GHSR: variants seen among roughly 807,000 people sequenced by gnomAD.
GHSR encodes growth hormone secretagogue receptor type 1.
Under a neutral mutation model 24.0 loss-of-function variants are expected in GHSR, and 17 were observed. The observed-to-expected ratio is 0.71, with a 90% confidence interval of 0.49 to 1.06. The LOEUF (loss-of-function observed/expected upper bound fraction) is 1.06. Among genes scored for constraint, GHSR ranks in the 50% least tolerant of loss-of-function variants. The pLI, the probability that GHSR is intolerant of heterozygous loss-of-function variation, is 0.00. For synonymous variants in GHSR, 238 were observed against 208.1 expected (o/e 1.14, Z -1.24); for missense variants, 504 against 483.1 (o/e 1.04, Z -0.41).
chr3:172,447,747 G>A lies in GHSR; in HGVS notation c.667C>T (p.Leu223Phe), dbSNP rs1316652466. The A allele has an allele frequency of 1.9e-6, 3 of 1,614,148 alleles. No individual in the cohort carries two copies. In the Admixed American group the frequency reaches 5.0e-5, roughly 27 times the overall value. The change falls in exon 1 of 2, where the codon CTT (leucine) becomes TTT (phenylalanine). Residue 223 changes from leucine to phenylalanine, a missense_variant. Leu to Phe is a conservative substitution (Grantham distance 22). Transcript: ENST00000241256. ...MVWVSSIFFF[L>F]PVFCLTVLYS... The stretch of plus-strand genomic sequence containing the variant: ...AGGACCGTGAGACAGAAGACAGGAA[G>A]GAAGAAGAAGATGCTGGACACCCAC...
chr3:172,444,046 T>G lies in GHSR; in HGVS notation c.*1115A>C, dbSNP rs1433845079. On this transcript the variant is annotated 3_prime_UTR_variant, in exon 2 of 2. Transcript: ENST00000241256. ...TATTCACAAATCGAAGCCTTATAAT[T>G]GACTTCAAAATTTTTGTTAAGCCAT... 1.3e-5 allele frequency among the ~76,000 whole-genome samples: 2 copies of G among 152,180 alleles called. No individual in the cohort carries two copies. Among genetic ancestry groups the G allele is most frequent in the Non-Finnish European group, 2.9e-5 (2 of 68,014 alleles).
Position 172,447,723 on chromosome 3 carries a change from G to A in GHSR, c.691C>T (p.Leu231Phe). 3 of 1,614,120 alleles carry A rather than the reference G, an allele frequency of 1.9e-6. No individual in the cohort carries two copies. Among genetic ancestry groups the A allele is most frequent in the Non-Finnish European group, 2.5e-6 (3 of 1,180,030 alleles). Residue 231 changes from leucine (L) to phenylalanine (F), a missense_variant, in exon 1 of 2, where the codon CTC becomes TTC. Coordinates refer to ENST00000241256, the MANE Select transcript of GHSR (RefSeq NM_198407.2). ...AGCTTCCTGCCGATGAGACTGTAGAGGACCGTGAGACAGAAGACAGGAAGG... is the reference window on the plus strand; with the variant it reads ...AGCTTCCTGCCGATGAGACTGTAGAAGACCGTGAGACAGAAGACAGGAAGG... ...FFLPVFCLTV[L>F]YSLIGRKLWR...
Position 172,444,604 on chromosome 3 carries a change from T to TCC in GHSR, c.*556_*557insGG, listed in dbSNP as rs200934590. Among the ~76,000 whole-genome samples the TCC allele has an allele frequency of 0.25, 37,907 of 152,024 alleles. 5,683 individuals are homozygous for TCC. The highest frequency in any genetic ancestry group is 0.44 in the East Asian group (2,265 of 5,160). ...TCCAAATTGAGGGTTTCTGTAAGTG[T>TCC]AAAAAGCATGCCAGATTTCAAAGAC... On this transcript the variant is annotated 3_prime_UTR_variant, in exon 2 of 2. Transcript: ENST00000241256.
At chr3:172,446,493 TG>T (rs1318054335) in intron 1 of GHSR, among the ~76,000 whole-genome samples, 2 of 152,180 alleles carry the variant, frequency 1.3e-5, no homozygotes, top group African/African-American at 2.4e-5. Flanking sequence ...CACTTTAATA[TG>T]GAGGATCCAG....
Position 172,444,749 on chromosome 3 carries a change from T to A in GHSR, c.*412A>T, listed in dbSNP as rs1293256331. Among the ~76,000 whole-genome samples the A allele has an allele frequency of 2.0e-5, 3 of 152,196 alleles. No homozygotes were observed. Among genetic ancestry groups the A allele is most frequent in the Non-Finnish European group, 4.4e-5 (3 of 68,018 alleles). ...TCTAGAGCTTTATGAAAATAGCTAGTTTTTAAAAGTTACATTTTAAATTTT... is the reference window on the plus strand; with the variant it reads ...TCTAGAGCTTTATGAAAATAGCTAGATTTTAAAAGTTACATTTTAAATTTT... On this transcript the variant is annotated 3_prime_UTR_variant, in exon 2 of 2. Transcript: ENST00000241256.
rs769452962 is a variant in GHSR, at chr3:172,445,438, C to G, written c.824G>C (p.Cys275Ser). The G allele has an allele frequency of 3.0e-5, 49 of 1,613,072 alleles. 1 individual carries two copies. The highest frequency in any genetic ancestry group is 3.4e-6 in the Non-Finnish European group (4 of 1,179,920). The change falls in exon 2 of 2, where the codon TGC becomes TCC. Residue 275 changes from cysteine (C) to serine (S), a missense_variant. Transcript: ENST00000241256. ...TCGCCCTACGTGGAAGGGGAGCCAGCAGAGGATGAAGGCAAACACCACTAC... is the reference window on the plus strand; with the variant it reads ...TCGCCCTACGTGGAAGGGGAGCCAGGAGAGGATGAAGGCAAACACCACTAC... ...LAVVVFAFIL[C>S]WLPFHVGRYL...
intron 1 of GHSR, 59 bp from the exon 2 acceptor site, chr3:172,445,524 C>G: frequency 2.0e-6 from 3 of 1,518,340 alleles, no homozygotes; most frequent in Non-Finnish European, 2.7e-6. Flanking sequence ...AAATCACATT[C>G]TATTTTTAAG....
rs201682882 is a variant in GHSR, at chr3:172,448,456, G to C, written c.-43C>G. The C allele has an allele frequency of 7.7e-6, 12 of 1,561,566 alleles. No homozygotes were observed. In the South Asian group the frequency reaches 1.4e-4, roughly 18 times the overall value. ...ACAGGCTCTGGGACGTGACTGCGCT[G>C]GGAGGCTGGACCGAGCTGGCTCCCG... On this transcript the variant is annotated 5_prime_UTR_variant, in exon 1 of 2. Coordinates refer to ENST00000241256, the MANE Select transcript of GHSR (RefSeq NM_198407.2). This position sits in a 1 kb window ranked among gnomAD's most constrained non-coding sequence, Gnocchi z 4.8.
In GHSR at chr3:172,447,888, C is replaced by T; in HGVS notation, c.526G>A (p.Gly176Arg). 1 of 1,613,214 alleles carries T rather than the reference C, an allele frequency of 6.2e-7. No individual in the cohort carries two copies. The change falls in exon 1 of 2, where the codon GGG becomes AGG. Residue 176 changes from glycine (G) to arginine (R), a missense_variant. Physicochemically the swap from Gly to Arg is moderately radical, Grantham distance 125. Coordinates refer to ENST00000241256, the MANE Select transcript of GHSR (RefSeq NM_198407.2). ...ACCCCGACTAGCACGAAGATGGGCC[C>T]GGCGCTGCAGAAGGCCACGGCCCAG... ...VIWAVAFCSAGPIFVLVGVEH... is the reference protein window; with the variant it reads ...VIWAVAFCSARPIFVLVGVEH...
In GHSR at chr3:172,445,073, A is replaced by G. The variant is rs1737425167; in HGVS notation, c.*88T>C. The stretch of plus-strand genomic sequence containing the variant: ...GGATCTATGTGTTCCTAATTCCAAA[A>G]TTAACCTTCAGCTTCCTCCCAAGTT... On this transcript the variant is annotated 3_prime_UTR_variant, in exon 2 of 2. Transcript: ENST00000241256. The G allele has an allele frequency of 4.1e-6, 6 of 1,461,728 alleles. No individual in the cohort carries two copies. The highest frequency in any genetic ancestry group is 1.1e-5 in the South Asian group (1 of 87,170). The allele number at this position is 1,461,728 out of a possible 1,614,324, so 90.5% of individuals were successfully genotyped here.
chr3:172,445,389 C>T lies in GHSR; in HGVS notation c.873G>A (p.Glu291=). Residue 291 remains glutamate, a synonymous_variant, in exon 2 of 2, where the codon GAG becomes GAA. Transcript: ENST00000241256. ...TCTGAGCAATCTCCAAGGAGCCAGG[C>T]TCAAAGGATTTGGAAAATAAATATC... ...VGRYLFSKSF[E]PGSLEIAQIS... 1 of 1,614,114 alleles carries T rather than the reference C, an allele frequency of 6.2e-7. No individual in the cohort carries two copies. Among genetic ancestry groups the T allele is most frequent in the Non-Finnish European group, 8.5e-7 (1 of 1,180,040 alleles).
intron 1 of GHSR, among the ~76,000 whole-genome samples, chr3:172,446,863 C>T (rs1204773746): frequency 6.6e-6 from 1 of 152,118 alleles, no homozygotes; most frequent in African/African-American, 2.4e-5. Flanking sequence ...CTAGTTTATC[C>T]TTACCTTATC....
At position 172,447,895 on chromosome 3, in the gene GHSR, G is replaced by T. The variant is rs1011911767; in HGVS notation, c.519C>A (p.Cys173Ter). Residue 173 changes from cysteine to a stop codon, truncating the protein, a stop_gained, in exon 1 of 2, where the codon TGC becomes TGA. Transcript: ENST00000241256. LOFTEE classifies it high-confidence loss of function. ...CTAGCACGAAGATGGGCCCGGCGCT[G>T]CAGAAGGCCACGGCCCAGATGACGA... ...VIFVIWAVAF[C>*]SAGPIFVLVG... 6.2e-7 allele frequency: 1 copy of T among 1,612,990 alleles called. No homozygotes were observed. The highest frequency in any genetic ancestry group is 8.5e-7 in the Non-Finnish European group (1 of 1,179,084).
chr3:172,447,939 G>A lies in GHSR; in HGVS notation c.475C>T (p.Arg159Trp). 2.5e-6 allele frequency: 4 copies of A among 1,613,106 alleles called. No individual in the cohort carries two copies. Among genetic ancestry groups the A allele is most frequent in the Non-Finnish European group, 3.4e-6 (4 of 1,179,130 alleles). ...LRAKVVVTKG[R>W]VKLVIFVIWA... ...ATGACGAAGATGACCAGCTTCACCCGCCCCTTGGTGACCACCACCTTGGCC... is the reference window on the plus strand; with the variant it reads ...ATGACGAAGATGACCAGCTTCACCCACCCCTTGGTGACCACCACCTTGGCC... Residue 159 changes from arginine to tryptophan, a missense_variant, in exon 1 of 2, where the codon CGG becomes TGG. Arg to Trp is a moderately radical substitution (Grantham distance 101, BLOSUM62 -3). Transcript: ENST00000241256.
Position 172,445,027 on chromosome 3 carries a change from T to C in GHSR, c.*134A>G. 1.0e-6 allele frequency: 1 copy of C among 976,630 alleles called. No individual in the cohort carries two copies. Among genetic ancestry groups the C allele is most frequent in the South Asian group, 1.4e-5 (1 of 72,228 alleles). 60.5% of individuals were successfully genotyped at this position (976,630 alleles called of 1,614,324 possible). On this transcript the variant is annotated 3_prime_UTR_variant, in exon 2 of 2. Coordinates refer to ENST00000241256, the MANE Select transcript of GHSR (RefSeq NM_198407.2). ...GCTCACACCCTACAAATGATATCTT[T>C]TTTCCCTCCCAGATGTTTCTGGATC...
chr3:172,447,579 G>C, intron 1 of GHSR, 39 bp downstream of exon 1: 1 of 1,611,798 alleles, frequency 6.2e-7, no homozygotes, highest in Non-Finnish European at 8.5e-7. Flanking sequence ...GAGAGGATAG[G>C]ACCCGCGAGA....
In GHSR at chr3:172,448,367, A is replaced by G; in HGVS notation, c.47T>C (p.Leu16Pro). Residue 16 changes from leucine to proline, a missense_variant, in exon 1 of 2, where the codon CTG becomes CCG. By Grantham distance (98) the Leu-to-Pro change is moderately conservative. Coordinates refer to ENST00000241256, the MANE Select transcript of GHSR (RefSeq NM_198407.2). This position sits in a 1 kb window ranked among gnomAD's most constrained non-coding sequence, Gnocchi z 4.8. ...PSEEPGFNLT[L>P]ADLDWDASPG... ...GGAAGCATCCCAGTCCAGGTCGGCCAGTGTGAGGTTGAACCCCGGCTCTTC... is the reference window on the plus strand; with the variant it reads ...GGAAGCATCCCAGTCCAGGTCGGCCGGTGTGAGGTTGAACCCCGGCTCTTC... 6.2e-7 allele frequency: 1 copy of G among 1,600,612 alleles called. No homozygotes were observed. The highest frequency in any genetic ancestry group is 8.5e-7 in the Non-Finnish European group (1 of 1,179,712).
chr3:172,444,916 A>C lies in GHSR; in HGVS notation c.*245T>G, dbSNP rs1737421391. Among the ~76,000 whole-genome samples, 1 of 152,182 alleles carries C rather than the reference A, an allele frequency of 6.6e-6. No homozygotes were observed. On this transcript the variant is annotated 3_prime_UTR_variant, in exon 2 of 2. Transcript: ENST00000241256. The stretch of plus-strand genomic sequence containing the variant: ...TCTGAATTGCAAAGCCCTCACCAGC[A>C]CCCGCAGCAGAATGCAAAATCATAG...
At position 172,446,364 on chromosome 3, in the gene GHSR, C is replaced by T. The variant is rs971882142; in HGVS notation, c.797-899G>A. Among the ~76,000 whole-genome samples, 22 of 152,136 alleles carry T rather than the reference C, an allele frequency of 1.4e-4. 1 individual carries two copies. Among genetic ancestry groups the T allele is most frequent in the African/African-American group, 3.9e-4 (16 of 41,420 alleles). ...ACTGCCACAGTAACAATGTGACTCT[C>T]GTAGGTGAGAGCTTAGGATCCCTTG... is the stretch of plus-strand genomic sequence containing the variant. On this transcript the variant is annotated intron_variant, in intron 1 of 1. Coordinates refer to ENST00000241256, the MANE Select transcript of GHSR (RefSeq NM_198407.2).
Sources: allele counts gnomAD v4.1 joint callset (sites outside exome capture counted in the v4.1 genomes callset), GRCh38; gene constraint gnomAD v4.1.1; non-coding constraint Gnocchi (gnomAD v3.1); transcripts MANE v1.5; gene names NCBI Gene and HGNC (gene_info 2026-07-23, HGNC 2026-07-21).